HCN1: variants seen among roughly 807,000 people sequenced by gnomAD.
HCN1 encodes hyperpolarization activated cyclic nucleotide gated potassium channel 1.
A neutral mutation model predicts 78.9 loss-of-function variants in HCN1; 13 were observed. The observed-to-expected ratio is 0.16, with a 90% confidence interval of 0.11 to 0.26. The LOEUF is 0.26. Ranked by LOEUF, HCN1 falls within the 10% of genes least tolerant of loss-of-function variation. The pLI, the probability that HCN1 is intolerant of heterozygous loss-of-function variation, is 1.00. For synonymous variants in HCN1, 552 were observed against 455.5 expected (o/e 1.21, Z -2.70); for missense variants, 810 against 1,154.3 (o/e 0.70, Z 4.32).
chr5:45,377,505 C>G (rs1253378875), intron 4 of HCN1, among the ~76,000 whole-genome samples: 1 of 151,870 alleles, frequency 6.6e-6, no homozygotes. Context: ...CAATCACTTG[C>G]AACCTAATCT....
At chr5:45,525,995 A>C (rs1414260052) in intron 2 of HCN1, among the ~76,000 whole-genome samples, 2 of 151,944 alleles carry the variant, frequency 1.3e-5, no homozygotes, top group South Asian at 2.1e-4. Flanking sequence ...CCAGGTGAGA[A>C]TACAGTGAGA....
intron 6 of HCN1, among the ~76,000 whole-genome samples, chr5:45,281,016 C>CA (rs199597125): frequency 0.048 from 5,981 of 125,632 alleles, 295 homozygotes; most frequent in African/African-American, 0.14. Context: ...GATTCAGAGG[C>CA]AAAAAAAAAA....
rs538660932 is a variant in HCN1, at chr5:45,544,625, A to G, written c.850-82618T>C. On this transcript the variant is annotated intron_variant, in intron 2 of 7. Transcript: ENST00000303230. ...CTCCCCCCATCCCACAACAGGCCCCAGTGTGTGATATTCCCCACCTAGTGT... is the reference window on the plus strand; with the variant it reads ...CTCCCCCCATCCCACAACAGGCCCCGGTGTGTGATATTCCCCACCTAGTGT... Among the ~76,000 whole-genome samples, 11 of 58,176 alleles carry G rather than the reference A, an allele frequency of 1.9e-4. 1 individual carries two copies. In the South Asian group the frequency reaches 6.6e-3, roughly 35 times the overall value. The allele number at this position is 58,176 out of a possible 152,430, so 38.2% of individuals were successfully genotyped here.
intron 2 of HCN1, among the ~76,000 whole-genome samples, chr5:45,482,296 T>G (rs1286614284): frequency 2.0e-5 from 3 of 152,184 alleles, no homozygotes; most frequent in Non-Finnish European, 2.9e-5. Context: ...AGGGGCTTCA[T>G]GCCCTCAACT....
chr5:45,405,983 T>C (rs552399533), intron 3 of HCN1, among the ~76,000 whole-genome samples: 89 of 152,312 alleles, frequency 5.8e-4, no homozygotes, highest in African/African-American at 1.7e-3. Context: ...AATAGACTTA[T>C]AAATTAAAAT....
At chr5:45,694,704 C>T (rs1739972161) in intron 1 of HCN1, among the ~76,000 whole-genome samples, 1 of 152,162 alleles carries the variant, frequency 6.6e-6, no homozygotes, top group African/African-American at 2.4e-5. Context: ...TGTTCAGGAG[C>T]TAAGATAATC....
At chr5:45,317,748 G>C (rs1481793034) in intron 5 of HCN1, among the ~76,000 whole-genome samples, 1 of 152,040 alleles carries the variant, frequency 6.6e-6, no homozygotes, top group East Asian at 1.9e-4. Context: ...TCAAAAAGTG[G>C]GCGAAGGATA....
intron 4 of HCN1, among the ~76,000 whole-genome samples, chr5:45,372,461 T>C (rs1364433575): frequency 4.1e-5 from 5 of 121,298 alleles, no homozygotes; most frequent in African/African-American, 1.6e-4. Flanking sequence ...ATATAAAACA[T>C]TTACATATAA....
At chr5:45,364,245 T>A (rs1747186500) in intron 4 of HCN1, among the ~76,000 whole-genome samples, 1 of 152,104 alleles carries the variant, frequency 6.6e-6, no homozygotes, top group Non-Finnish European at 1.5e-5. Context: ...CCTTGGACAA[T>A]CCTTCCCACT....
chr5:45,285,813 A>G (rs1268324985), intron 6 of HCN1, among the ~76,000 whole-genome samples: 1 of 152,006 alleles, frequency 6.6e-6, no homozygotes, highest in African/African-American at 2.4e-5. Context: ...GTAGAGGTCT[A>G]CATTTACACA....
At position 45,327,733 on chromosome 5, in the gene HCN1, T is replaced by TCTGACTGG. The variant is rs557123851; in HGVS notation, c.1378-23902_1378-23895dup. Among the ~76,000 whole-genome samples the TCTGACTGG allele has an allele frequency of 1.9e-3, 281 of 151,682 alleles. 2 individuals are homozygous for TCTGACTGG. In the East Asian group the frequency reaches 0.019, roughly 10 times the overall value. On this transcript the variant is annotated intron_variant, in intron 5 of 7. Transcript: ENST00000303230. ...TTAACTAGGGTGGGCCATAATCCAA[T>TCTGACTGG]CTGACTGGCTGACTGGCGTCCTTTT...
intron 2 of HCN1, among the ~76,000 whole-genome samples, chr5:45,609,744 G>T (rs778642367): frequency 6.6e-6 from 1 of 152,046 alleles, no homozygotes; most frequent in Non-Finnish European, 1.5e-5. Flanking sequence ...CAGTTTAAAG[G>T]TGAAGACAGA....
intron 1 of HCN1, among the ~76,000 whole-genome samples, chr5:45,654,009 G>C (rs1373955564): frequency 6.6e-6 from 1 of 151,960 alleles, no homozygotes; most frequent in Non-Finnish European, 1.5e-5. Context: ...CTCCTCAAAT[G>C]GTAGAATTAT....
At chr5:45,376,799 T>G (rs1747690353) in intron 4 of HCN1, among the ~76,000 whole-genome samples, 1 of 147,164 alleles carries the variant, frequency 6.8e-6, no homozygotes, top group Non-Finnish European at 1.5e-5. Context: ...CATGCTCACT[T>G]TTTTTCTGTG....
At chr5:45,566,720 A>G (rs968492266) in intron 2 of HCN1, among the ~76,000 whole-genome samples, 2 of 152,232 alleles carry the variant, frequency 1.3e-5, no homozygotes, top group African/African-American at 4.8e-5. Flanking sequence ...CTCATACGTA[A>G]GTGAAATGAT....
intron 2 of HCN1, among the ~76,000 whole-genome samples, chr5:45,607,829 G>T (rs964394659): frequency 1.3e-5 from 2 of 151,630 alleles, no homozygotes; most frequent in African/African-American, 4.8e-5. Flanking sequence ...TGAGAAACAA[G>T]AAAGAATACC....
At chr5:45,465,548 A>C (rs1045752588) in intron 2 of HCN1, among the ~76,000 whole-genome samples, 6 of 152,050 alleles carry the variant, frequency 3.9e-5, no homozygotes, top group Admixed American at 3.3e-4. Context: ...CAAGGTCAGG[A>C]GTTCGAGACC....
intron 2 of HCN1, among the ~76,000 whole-genome samples, chr5:45,580,990 G>T (rs1240206602): frequency 1.3e-5 from 2 of 152,050 alleles, no homozygotes; most frequent in Non-Finnish European, 2.9e-5. Context: ...TAGTGCCACA[G>T]TGAACATACG....
At chr5:45,588,636 C>A (rs1002960259) in intron 2 of HCN1, among the ~76,000 whole-genome samples, 2 of 152,152 alleles carry the variant, frequency 1.3e-5, no homozygotes, top group East Asian at 3.9e-4. Context: ...AACTCTTTAT[C>A]TTTTAACTAC....
Sources: allele counts gnomAD v4.1 joint callset (sites outside exome capture counted in the v4.1 genomes callset), GRCh38; gene constraint gnomAD v4.1.1; transcripts MANE v1.5; gene names NCBI Gene and HGNC (gene_info 2026-07-23, HGNC 2026-07-21).